ERICH1: variants seen among roughly 807,000 people sequenced by gnomAD.
ERICH1 encodes the protein glutamate rich 1.
ERICH1 carries 56 observed loss-of-function variants against 39.6 expected under a neutral mutation model. The observed-to-expected ratio is 1.41, with a 90% CI of 1.14 to 1.77. The LOEUF is 1.77. Among genes scored for constraint, ERICH1 ranks in the 40% most tolerant of loss-of-function variants. The pLI, the probability that ERICH1 is intolerant of heterozygous loss-of-function variation, is 0.00. For synonymous variants in ERICH1, 313 were observed against 223.6 expected (o/e 1.40, Z -3.57); for missense variants, 826 against 575.4 (o/e 1.44, Z -4.45).
chr8:690,087 C>G (rs1808568159), intron 3 of ERICH1, among the ~76,000 whole-genome samples: 1 of 152,204 alleles, frequency 6.6e-6, no homozygotes, highest in Non-Finnish European at 1.5e-5. Context: ...AACCCCACGT[C>G]AACAAGAGGA....
intron 1 of ERICH1, among the ~76,000 whole-genome samples, chr8:726,339 AAC>A (rs35363418): frequency 0.043 from 6,588 of 151,922 alleles, 191 homozygotes; most frequent in Non-Finnish European, 0.067. Flanking sequence ...GCAGGCACAC[AAC>A]ACACAGGCGC....
intron 1 of ERICH1, among the ~76,000 whole-genome samples, chr8:727,704 G>C (rs1819100820): frequency 6.6e-6 from 1 of 152,192 alleles, no homozygotes; most frequent in East Asian, 1.9e-4. Context: ...CTGGGACAGG[G>C]CTCTGTGGCC....
At chr8:698,870 G>C (rs733931) in intron 2 of ERICH1, among the ~76,000 whole-genome samples, 1 of 151,006 alleles carries the variant, frequency 6.6e-6, no homozygotes, top group Non-Finnish European at 1.5e-5. Flanking sequence ...AGGATGCCAC[G>C]AAGTAGCATC....
intron 3 of ERICH1, among the ~76,000 whole-genome samples, chr8:617,067 T>G (rs541704508): frequency 6.6e-6 from 1 of 152,056 alleles, no homozygotes; most frequent in South Asian, 2.1e-4. Flanking sequence ...CCACTTTGAC[T>G]CTTTGTCCCA....
At chr8:652,250 G>C (rs1286760790) in intron 3 of ERICH1, among the ~76,000 whole-genome samples, 2 of 152,238 alleles carry the variant, frequency 1.3e-5, no homozygotes, top group Admixed American at 6.5e-5. Flanking sequence ...GCCAGCAGGA[G>C]GAAAGGTTAC....
intron 3 of ERICH1, chr8:690,953 C>T (rs1397517175): frequency 6.6e-6 from 1 of 152,288 alleles, no homozygotes; most frequent in East Asian, 1.9e-4. Context: ...TCTTGTGTGC[C>T]GTGTTCCCAC....
downstream of ERICH1, among the ~76,000 whole-genome samples, chr8:661,382 C>T (rs1801404635): frequency 6.6e-6 from 1 of 152,134 alleles, no homozygotes; most frequent in South Asian, 2.1e-4. Flanking sequence ...CAAGCCCTCT[C>T]TTCTCAGGCT....
At chr8:635,689 G>A (rs1798382306) in intron 3 of ERICH1, among the ~76,000 whole-genome samples, 1 of 152,224 alleles carries the variant, frequency 6.6e-6, no homozygotes, top group Admixed American at 6.5e-5. Context: ...GGCTTCCCAA[G>A]CAGGGTCCCT....
chr8:699,238 A>G (rs1165931119), intron 2 of ERICH1, among the ~76,000 whole-genome samples: 1 of 152,074 alleles, frequency 6.6e-6, no homozygotes, highest in African/African-American at 2.4e-5. Flanking sequence ...TCAGGAACGA[A>G]AGAAAAAGGT....
chr8:717,555 G>C (rs1816294355), intron 1 of ERICH1, among the ~76,000 whole-genome samples: 2 of 152,240 alleles, frequency 1.3e-5, no homozygotes, highest in South Asian at 4.1e-4. Context: ...TCCTGTGCCA[G>C]ATGACCAAGC....
intron 3 of ERICH1, among the ~76,000 whole-genome samples, chr8:683,554 G>T (rs572160762): frequency 1.3e-5 from 2 of 152,188 alleles, no homozygotes; most frequent in South Asian, 4.1e-4. Flanking sequence ...AATTTCCAAA[G>T]ACAACAAGGG....
intron 3 of ERICH1, among the ~76,000 whole-genome samples, chr8:618,028 C>A (rs552933223): frequency 6.9e-6 from 1 of 145,950 alleles, no homozygotes; most frequent in Non-Finnish European, 1.5e-5. Context: ...GGTCCATCCT[C>A]ACTGCCATAT....
chr8:680,651 C>T (rs2131947812), intron 3 of ERICH1, among the ~76,000 whole-genome samples: 1 of 152,310 alleles, frequency 6.6e-6, no homozygotes, highest in Non-Finnish European at 1.5e-5. Context: ...TCCACAGCTG[C>T]CACCCTTGTA....
rs1053304742 is a variant in ERICH1 at position 672,638 on chromosome 8, G to A, written c.1063+651C>T. Among the ~76,000 whole-genome samples, 8 of 152,158 alleles carry A rather than the reference G, an allele frequency of 5.3e-5. No individual in the cohort carries two copies. The East Asian group carries it at 7.7e-4, about 15-fold the overall frequency. ...GAAGAAAGCCAGGAAGCCAGCGCAC[G>A]GTGAGTATCTCTGTTCTGGGGCAGC... On this transcript the variant is annotated intron_variant, in intron 4 of 5. Coordinates refer to ENST00000262109, the MANE Select transcript of ERICH1 (RefSeq NM_207332.3).
intron 3 of ERICH1, among the ~76,000 whole-genome samples, chr8:688,042 G>T (rs1445304856): frequency 6.6e-6 from 1 of 152,114 alleles, no homozygotes; most frequent in Non-Finnish European, 1.5e-5. Context: ...AAAGGCGGGG[G>T]AGACGCGCGG....
chr8:642,880 T>C (rs1585014297), intron 3 of ERICH1, among the ~76,000 whole-genome samples: 1 of 152,150 alleles, frequency 6.6e-6, no homozygotes, highest in Admixed American at 6.5e-5. Flanking sequence ...GGCAGGCAGT[T>C]CTGGGTAACC....
intron 3 of ERICH1, among the ~76,000 whole-genome samples, chr8:628,811 G>A (rs745729346): frequency 7.2e-5 from 11 of 152,228 alleles, no homozygotes; most frequent in East Asian, 1.9e-4. Flanking sequence ...TTTCATGAAC[G>A]TTTCCTCGGC....
At chr8:689,996 A>G (rs1334976998) in intron 3 of ERICH1, among the ~76,000 whole-genome samples, 2 of 152,142 alleles carry the variant, frequency 1.3e-5, no homozygotes, top group East Asian at 1.9e-4. Context: ...AAAAAGGACA[A>G]CTTTCTTCTG....
intron 1 of ERICH1, among the ~76,000 whole-genome samples, chr8:729,522 C>A (rs888290618): frequency 6.6e-6 from 1 of 152,226 alleles, no homozygotes; most frequent in Non-Finnish European, 1.5e-5. Context: ...CCAGCTAAAT[C>A]CTCCCTTCAG....
Sources: gnomAD v4.1 joint callset for allele counts (sites outside exome capture counted in the v4.1 genomes callset) on GRCh38, gnomAD v4.1.1 for gene constraint, MANE v1.5 for transcripts, NCBI Gene and HGNC (gene_info 2026-07-23, HGNC 2026-07-21) for gene names.